ABCA13: variants seen among roughly 807,000 people sequenced by gnomAD.
The protein encoded by ABCA13 is ATP binding cassette subfamily A member 13.
Under a neutral mutation model 478.7 loss-of-function variants are expected in ABCA13, and 476 were observed. The ratio of observed to expected loss-of-function variants is 0.99; its 90% CI spans 0.92 to 1.07. The LOEUF is 1.07. Ranked by LOEUF, ABCA13 falls within the 50% of genes least tolerant of loss-of-function variation. The pLI, the probability that ABCA13 is intolerant of heterozygous loss-of-function variation, is 0.00. For missense variants in ABCA13, 6,060 were observed against 5,910.6 expected, an observed-to-expected ratio of 1.03 and a Z score of -0.83; for synonymous variants, 2,252 against 2,158.9, an observed-to-expected ratio of 1.04 and a Z score of -1.20.
chr7:48,349,769 G>A (rs1476340486), intron 29 of ABCA13, among the ~76,000 whole-genome samples: 1 of 152,198 alleles, frequency 6.6e-6, no homozygotes. Flanking sequence ...CTTCGATGGA[G>A]GGTGGAAATG....
chr7:48,493,008 CAATAAATA>C (rs1057354839), intron 48 of ABCA13, among the ~76,000 whole-genome samples: 1 of 151,814 alleles, frequency 6.6e-6, no homozygotes. Context: ...GTGACAGTCT[CAATAAATA>C]AATAAATAAA....
At chr7:48,462,139 A>G (rs1268872386) in intron 43 of ABCA13, among the ~76,000 whole-genome samples, 1 of 152,120 alleles carries the variant, frequency 6.6e-6, no homozygotes, top group African/African-American at 2.4e-5. Context: ...TACTCTCTCT[A>G]AAGGAAGAGT....
At chr7:48,319,696 A>G (rs1803134923) in intron 27 of ABCA13, among the ~76,000 whole-genome samples, 1 of 152,200 alleles carries the variant, frequency 6.6e-6, no homozygotes, top group African/African-American at 2.4e-5. Flanking sequence ...GACACCCAGA[A>G]GCATGATGCT....
chr7:48,377,825 T>C (rs1281343487), intron 35 of ABCA13, among the ~76,000 whole-genome samples: 1 of 152,204 alleles, frequency 6.6e-6, no homozygotes, highest in Non-Finnish European at 1.5e-5. Flanking sequence ...AATTGACTAT[T>C]GAGAAGAAGC....
intron 41 of ABCA13, among the ~76,000 whole-genome samples, chr7:48,417,167 T>C (rs1015984466): frequency 1.3e-5 from 2 of 152,200 alleles, no homozygotes; most frequent in African/African-American, 4.8e-5. Context: ...AGCTTTTCCA[T>C]AGACTGATTC....
intron 55 of ABCA13, among the ~76,000 whole-genome samples, chr7:48,562,857 A>T (rs1017581777): frequency 2.6e-5 from 4 of 152,118 alleles, no homozygotes; most frequent in African/African-American, 9.7e-5. Flanking sequence ...TAAATAATAT[A>T]AACATGTGGT....
In ABCA13 at chr7:48,376,423, C is replaced by T. The variant is rs377025930; in HGVS notation, c.11204-18C>T. 25 of 1,611,490 alleles carry T rather than the reference C, an allele frequency of 1.6e-5. No homozygotes were observed. Among genetic ancestry groups the T allele is most frequent in the African/African-American group, 5.4e-5 (4 of 74,762 alleles). ...AGAGCTTGTGCAGTTCTAACTCTGACCTTTTTCTTCCTGCTAGGGATTCAA... is the reference window on the plus strand; with the variant it reads ...AGAGCTTGTGCAGTTCTAACTCTGATCTTTTTCTTCCTGCTAGGGATTCAA... On this transcript the variant is annotated intron_variant, in intron 34 of 61. Coordinates refer to ENST00000435803, the MANE Select transcript of ABCA13 (RefSeq NM_152701.5).
At chr7:48,616,705 C>A (rs1426618566) in intron 59 of ABCA13, among the ~76,000 whole-genome samples, 7 of 152,096 alleles carry the variant, frequency 4.6e-5, no homozygotes, top group Non-Finnish European at 1.0e-4. Flanking sequence ...TTCACTGAAA[C>A]ATCAAACTTA....
chr7:48,185,647 G>T (rs575336032), intron 1 of ABCA13, among the ~76,000 whole-genome samples: 3 of 151,990 alleles, frequency 2.0e-5, no homozygotes, highest in Non-Finnish European at 2.9e-5. Context: ...TGAAATAATT[G>T]CACAAACTTT....
chr7:48,383,389 A>G (rs1814697985), intron 35 of ABCA13, among the ~76,000 whole-genome samples: 1 of 151,076 alleles, frequency 6.6e-6, no homozygotes, highest in Non-Finnish European at 1.5e-5. Context: ...ATGTGTGTGC[A>G]CACACACACG....
rs376403506 is a variant in ABCA13, at chr7:48,445,862, C to G, written c.12566-9175C>G. Among the ~76,000 whole-genome samples the G allele has an allele frequency of 2.0e-5, 3 of 152,094 alleles. No homozygotes were observed. The South Asian group carries it at 6.2e-4, about 32-fold the overall frequency. On this transcript the variant is annotated intron_variant, in intron 42 of 61. Coordinates refer to ENST00000435803, the MANE Select transcript of ABCA13 (RefSeq NM_152701.5). ...TAGGTTTCTTGCCTGACTAACAGACCAGCTGAATGAGAAGGGACACCTGCA... is the reference window on the plus strand; with the variant it reads ...TAGGTTTCTTGCCTGACTAACAGACGAGCTGAATGAGAAGGGACACCTGCA...
chr7:48,210,161 T>C (rs1785437255), intron 3 of ABCA13, among the ~76,000 whole-genome samples: 1 of 152,182 alleles, frequency 6.6e-6, no homozygotes, highest in South Asian at 2.1e-4. Flanking sequence ...TCAGGAAACT[T>C]ACAATCATGG....
intron 45 of ABCA13, among the ~76,000 whole-genome samples, chr7:48,478,284 T>G (rs915358972): frequency 4.7e-5 from 6 of 128,160 alleles, no homozygotes; most frequent in Admixed American, 2.4e-4. Context: ...ATATATCATA[T>G]ATATCATTTT....
chr7:48,224,396 T>A, intron 5 of ABCA13, among the ~76,000 whole-genome samples: 1 of 152,226 alleles, frequency 6.6e-6, no homozygotes, highest in South Asian at 2.1e-4. Context: ...CCCCCAGCAA[T>A]GGTTCAACTC....
At chr7:48,506,471 T>C (rs2130862520) in intron 49 of ABCA13, 81 bp downstream of exon 49, 1 of 1,505,008 alleles carries the variant, frequency 6.6e-7, no homozygotes, top group Admixed American at 1.7e-5. Context: ...GACTTTGGTC[T>C]CTCTTTTGCA....
chr7:48,601,031 A>G (rs1790843721), intron 58 of ABCA13, among the ~76,000 whole-genome samples: 1 of 151,118 alleles, frequency 6.6e-6, no homozygotes, highest in African/African-American at 2.4e-5. Context: ...GTTTTTTTCT[A>G]TTTTTGGATT....
chr7:48,399,305 A>G (rs1817273365), intron 38 of ABCA13, among the ~76,000 whole-genome samples: 1 of 152,202 alleles, frequency 6.6e-6, no homozygotes, highest in Non-Finnish European at 1.5e-5. Context: ...AATTGGATTG[A>G]GCTACAGAGC....
intron 55 of ABCA13, among the ~76,000 whole-genome samples, chr7:48,565,334 T>C (rs755414932): frequency 6.6e-6 from 1 of 150,754 alleles, no homozygotes; most frequent in Non-Finnish European, 1.5e-5. Flanking sequence ...TTTGAAAAGA[T>C]GTAACTTAAT....
intron 47 of ABCA13, among the ~76,000 whole-genome samples, chr7:48,485,299 T>G (rs1223153866): frequency 6.6e-6 from 1 of 152,196 alleles, no homozygotes; most frequent in East Asian, 1.9e-4. Context: ...AGGTCTGTTT[T>G]GAGGTGTCAT....
Sources: gnomAD v4.1 joint callset for allele counts (sites outside exome capture counted in the v4.1 genomes callset) on GRCh38, gnomAD v4.1.1 for gene constraint, MANE v1.5 for transcripts, NCBI Gene and HGNC (gene_info 2026-07-23, HGNC 2026-07-21) for gene names.